The following PTPRD variants were observed in gnomAD, a reference collection of about 807,000 sequenced individuals.
The protein encoded by PTPRD is receptor-type tyrosine-protein phosphatase delta.
In PTPRD, 34 loss-of-function variants were observed where a neutral mutation model predicts 214.5. The ratio of observed to expected loss-of-function variants is 0.16; its 90% CI spans 0.12 to 0.21. The LOEUF (loss-of-function observed/expected upper bound fraction) is 0.21. Among genes scored for constraint, PTPRD ranks in the 10% least tolerant of loss-of-function variants. The probability of loss-of-function intolerance (pLI) is 1.00; values close to 1 mark genes in which losing one functional copy is unlikely to be tolerated. For missense variants in PTPRD, 2,545 were observed against 2,398.7 expected, an observed-to-expected ratio of 1.06 and a Z score of -1.27; for synonymous variants, 1,128 against 845.7, an observed-to-expected ratio of 1.33 and a Z score of -5.79.
At chr9:8,719,570 G>C (rs946661876) in intron 12 of PTPRD, among the ~76,000 whole-genome samples, 3 of 152,176 alleles carry the variant, frequency 2.0e-5, no homozygotes, top group Admixed American at 2.0e-4. Context: ...TAGGACTCTT[G>C]AACAATCTGG....
rs190382087 is a variant in PTPRD, at chr9:8,697,785, G to C, written c.64+35995C>G. On this transcript the variant is annotated intron_variant, in intron 12 of 45. Transcript: ENST00000381196. ...CGTGGGTGTGTGTGTGTGTGTGTTTGGGGAGGAGCACACACAATTGTATGC... is the reference window on the plus strand; with the variant it reads ...CGTGGGTGTGTGTGTGTGTGTGTTTCGGGAGGAGCACACACAATTGTATGC... 3.2e-3 allele frequency among the ~76,000 whole-genome samples: 490 copies of C among 152,072 alleles called. 5 individuals carry two copies. Among genetic ancestry groups the C allele is most frequent in the African/African-American group, 0.011 (467 of 41,484 alleles).
At chr9:9,198,917 C>G (rs1205271295) in intron 9 of PTPRD, among the ~76,000 whole-genome samples, 1 of 152,134 alleles carries the variant, frequency 6.6e-6, no homozygotes, top group African/African-American at 2.4e-5. Context: ...TAAGGTCAGG[C>G]CTCTTACTTC....
At chr9:8,502,572 TA>T (rs1169680195) in intron 23 of PTPRD, among the ~76,000 whole-genome samples, 8 of 152,278 alleles carry the variant, frequency 5.3e-5, no homozygotes, top group African/African-American at 1.2e-4. Context: ...ATCTCATTTT[TA>T]TTGATTCTGA....
chr9:8,994,092 A>G (rs912398942), intron 11 of PTPRD, among the ~76,000 whole-genome samples: 7 of 152,134 alleles, frequency 4.6e-5, no homozygotes. Flanking sequence ...ATTCAGAAAG[A>G]TGCTGAGTAG....
chr9:10,236,138 C>T (rs540027571), intron 3 of PTPRD, among the ~76,000 whole-genome samples: 1 of 151,990 alleles, frequency 6.6e-6, no homozygotes, highest in East Asian at 2.0e-4. Flanking sequence ...ACGTCCTAAC[C>T]TCTGACTGTC....
intron 2 of PTPRD, among the ~76,000 whole-genome samples, chr9:10,378,863 G>T (rs918622959): frequency 7.9e-5 from 12 of 151,952 alleles, no homozygotes; most frequent in Admixed American, 5.3e-4. Context: ...AATGTCATTG[G>T]TATTTTAATA....
chr9:9,303,644 A>T (rs1956208995), intron 9 of PTPRD, among the ~76,000 whole-genome samples: 1 of 152,092 alleles, frequency 6.6e-6, no homozygotes, highest in Admixed American at 6.6e-5. Flanking sequence ...AACAGTCAAC[A>T]TGTGGATTGG....
At chr9:8,845,184 A>C (rs867370001) in intron 11 of PTPRD, among the ~76,000 whole-genome samples, 6 of 137,364 alleles carry the variant, frequency 4.4e-5, no homozygotes, top group African/African-American at 1.4e-4. Context: ...AAACAAAAAC[A>C]AAAAAAAACA....
At chr9:10,037,301 G>A (rs1422575036) in intron 3 of PTPRD, among the ~76,000 whole-genome samples, 1 of 152,010 alleles carries the variant, frequency 6.6e-6, no homozygotes, top group Non-Finnish European at 1.5e-5. Context: ...ATTGTATCAG[G>A]AGGGCAGTTT....
intron 12 of PTPRD, among the ~76,000 whole-genome samples, chr9:8,693,527 T>C (rs2097850940): frequency 6.6e-6 from 1 of 152,210 alleles, no homozygotes; most frequent in African/African-American, 2.4e-5. Flanking sequence ...GCAAGCACTT[T>C]ATCAGTACTT....
chr9:8,799,780 C>A (rs917810274), intron 11 of PTPRD, among the ~76,000 whole-genome samples: 1 of 152,032 alleles, frequency 6.6e-6, no homozygotes, highest in African/African-American at 2.4e-5. Context: ...ATTTACTCTA[C>A]CAATGCTCCA....
chr9:9,911,407 T>C (rs2079144137), intron 5 of PTPRD, among the ~76,000 whole-genome samples: 2 of 148,464 alleles, frequency 1.3e-5, no homozygotes, highest in Non-Finnish European at 3.0e-5. Context: ...AGCCACACCA[T>C]AAAGAAGGCA....
intron 8 of PTPRD, among the ~76,000 whole-genome samples, chr9:9,428,674 G>T (rs938861107): frequency 6.6e-6 from 1 of 152,138 alleles, no homozygotes; most frequent in Non-Finnish European, 1.5e-5. Flanking sequence ...CTCAGAAAAT[G>T]TAAAAGAACA....
At chr9:9,427,117 G>C (rs958601207) in intron 8 of PTPRD, among the ~76,000 whole-genome samples, 6 of 152,150 alleles carry the variant, frequency 3.9e-5, no homozygotes, top group African/African-American at 4.8e-5. Flanking sequence ...ACTTCTCCGA[G>C]CTAAAGGAGG....
intron 11 of PTPRD, among the ~76,000 whole-genome samples, chr9:8,979,555 C>A (rs2099295024): frequency 6.6e-6 from 1 of 152,066 alleles, no homozygotes; most frequent in Non-Finnish European, 1.5e-5. Flanking sequence ...AAACAAATGA[C>A]TCCACTTAAA....
chr9:9,774,047 C>T (rs1017734906), intron 5 of PTPRD, among the ~76,000 whole-genome samples: 7 of 152,110 alleles, frequency 4.6e-5, no homozygotes, highest in Admixed American at 1.3e-4. Context: ...GGTAAGTGGA[C>T]ATCTACTCTG....
At chr9:9,126,967 C>T (rs926783373) in intron 10 of PTPRD, among the ~76,000 whole-genome samples, 29 of 151,892 alleles carry the variant, frequency 1.9e-4, no homozygotes, top group African/African-American at 6.8e-4. Context: ...GATGCCATCC[C>T]ATCGCAGAGC....
At chr9:9,514,244 T>C (rs1438663333) in intron 8 of PTPRD, among the ~76,000 whole-genome samples, 1 of 152,030 alleles carries the variant, frequency 6.6e-6, no homozygotes, top group Non-Finnish European at 1.5e-5. Flanking sequence ...GCTTCATGAA[T>C]CCTCCAGCAT....
At chr9:9,412,658 C>G (rs2141988324) in intron 8 of PTPRD, among the ~76,000 whole-genome samples, 1 of 152,294 alleles carries the variant, frequency 6.6e-6, no homozygotes, top group Middle Eastern at 3.4e-3. Context: ...TCTTCATACA[C>G]ACCTCTCTTC....
Sources: gnomAD v4.1 joint callset for allele counts (sites outside exome capture counted in the v4.1 genomes callset) on GRCh38, gnomAD v4.1.1 for gene constraint, MANE v1.5 for transcripts, NCBI Gene and HGNC (gene_info 2026-07-23, HGNC 2026-07-21) for gene names.